Variants in PPM1H observed in about 807,000 individuals in gnomAD.
PPM1H encodes protein phosphatase, Mg2+/Mn2+ dependent 1H, also known as protein phosphatase 1H.
In PPM1H, 27 loss-of-function variants were observed where a neutral mutation model predicts 54.9. The observed-to-expected ratio is 0.49, with a 90% CI of 0.36 to 0.68. PPM1H has a LOEUF of 0.68. Ranked by LOEUF, PPM1H falls within the 30% of genes least tolerant of loss-of-function variation. PPM1H has a pLI of 0.00. For synonymous variants in PPM1H, 305 were observed against 270.8 expected, an observed-to-expected ratio of 1.13 and a Z score of -1.24; for missense variants, 596 against 667.8, an observed-to-expected ratio of 0.89 and a Z score of 1.19.
chr12:62,803,979 T>C (rs1249040923), intron 2 of PPM1H, among the ~76,000 whole-genome samples: 2 of 152,156 alleles, frequency 1.3e-5, no homozygotes. Flanking sequence ...CATCGATACC[T>C]TTCATAAAAC....
At chr12:62,652,503 T>A (rs2075821918) in intron 9 of PPM1H, among the ~76,000 whole-genome samples, 1 of 152,266 alleles carries the variant, frequency 6.6e-6, no homozygotes, top group African/African-American at 2.4e-5. Context: ...ACCTATATTT[T>A]GCAGTCATAT....
Position 62,648,501 on chromosome 12 carries a change from G to C in PPM1H, c.1533C>G (p.Asn511Lys). 6.2e-7 allele frequency: 1 copy of C among 1,613,940 alleles called. No homozygotes were observed. Among genetic ancestry groups the C allele is most frequent in the Non-Finnish European group, 8.5e-7 (1 of 1,179,868 alleles). The change falls in exon 10 of 10, where the codon AAC becomes AAG. Residue 511 changes from asparagine (N) to lysine (K), a missense_variant. By Grantham distance (94) the Asn-to-Lys change is moderately conservative (BLOSUM62 0). Coordinates refer to ENST00000228705, the MANE Select transcript of PPM1H (RefSeq NM_020700.2). ...CCCTGGGCCATTTTCATGACAGCTTGTTTCCATGTATTAAAGGAATGACAT... is the reference window on the plus strand; with the variant it reads ...CCCTGGGCCATTTTCATGACAGCTTCTTTCCATGTATTAAAGGAATGACAT... ...SVYVIPLIHG[N>K]KLS
chr12:62,649,584 G>A (rs936158444), intron 9 of PPM1H, among the ~76,000 whole-genome samples: 2 of 152,166 alleles, frequency 1.3e-5, no homozygotes, highest in Admixed American at 6.5e-5. Flanking sequence ...CACTGGCAGG[G>A]TCATATTTGG....
At chr12:62,708,895 A>G (rs937776735) in intron 6 of PPM1H, among the ~76,000 whole-genome samples, 64 of 152,080 alleles carry the variant, frequency 4.2e-4, no homozygotes, top group Admixed American at 3.9e-3. Context: ...GTAGTCCCCT[A>G]TATGTCCTGG....
chr12:62,915,385 C>G (rs976200010), intron 1 of PPM1H, among the ~76,000 whole-genome samples: 1 of 152,218 alleles, frequency 6.6e-6, no homozygotes, highest in African/African-American at 2.4e-5. Flanking sequence ...CTGCTCCCTG[C>G]GTGGTTCAAT....
At chr12:62,804,191 G>T (rs547963478) in intron 2 of PPM1H, among the ~76,000 whole-genome samples, 3 of 152,044 alleles carry the variant, frequency 2.0e-5, no homozygotes, top group Non-Finnish European at 4.4e-5. Context: ...AAGGCCTAAA[G>T]ATTGTATAAG....
At chr12:62,703,762 C>G (rs1045548385) in intron 6 of PPM1H, among the ~76,000 whole-genome samples, 2 of 152,162 alleles carry the variant, frequency 1.3e-5, no homozygotes, top group Non-Finnish European at 2.9e-5. Context: ...CTCCCCACAC[C>G]CACTCTCCTG....
At chr12:62,920,970 G>A (rs1871780552) in intron 1 of PPM1H, among the ~76,000 whole-genome samples, 1 of 151,926 alleles carries the variant, frequency 6.6e-6, no homozygotes, top group Non-Finnish European at 1.5e-5. Context: ...TGTCGCCCAG[G>A]CTGGAGTGGA....
At chr12:62,866,779 A>G (rs1237310207) in intron 1 of PPM1H, among the ~76,000 whole-genome samples, 1 of 152,104 alleles carries the variant, frequency 6.6e-6, no homozygotes, top group Admixed American at 6.6e-5. Context: ...GTTTTAGGCC[A>G]CTGAGACTGG....
At position 62,772,107 on chromosome 12, in the gene PPM1H, T is replaced by G. The variant is rs76197099; in HGVS notation, c.869+16119A>C. On this transcript the variant is annotated intron_variant, in intron 4 of 9. Transcript: ENST00000228705. ...CCATTTGACTCCAAACCCTATACTT[T>G]TGGTGAACCCCTAGCATTTCTATTT... Among the ~76,000 whole-genome samples the G allele has an allele frequency of 2.0e-5, 3 of 152,334 alleles. No homozygotes were observed. The East Asian group carries it at 5.8e-4, about 29-fold the overall frequency.
intron 1 of PPM1H, among the ~76,000 whole-genome samples, chr12:62,862,227 G>A (rs189216533): frequency 1.3e-5 from 2 of 152,270 alleles, no homozygotes; most frequent in Admixed American, 6.5e-5. Flanking sequence ...TGGAGAAGTC[G>A]GGGGTTAGGA....
intron 1 of PPM1H, among the ~76,000 whole-genome samples, chr12:62,922,485 T>C (rs1871833040): frequency 1.3e-5 from 2 of 152,186 alleles, no homozygotes. Context: ...AGATAACAGA[T>C]GCTTACCTTT....
At chr12:62,869,279 C>A (rs1301447350) in intron 1 of PPM1H, among the ~76,000 whole-genome samples, 5 of 152,112 alleles carry the variant, frequency 3.3e-5, no homozygotes, top group Non-Finnish European at 2.9e-5. Context: ...TTATTAAAGT[C>A]ATTTAAAATC....
At chr12:62,851,062 T>A (rs1185646292) in intron 1 of PPM1H, among the ~76,000 whole-genome samples, 1 of 152,192 alleles carries the variant, frequency 6.6e-6, no homozygotes. Context: ...TGCTGTCTAC[T>A]CAAAGGGCCT....
At chr12:62,851,956 G>C (rs1402080683) in intron 1 of PPM1H, among the ~76,000 whole-genome samples, 1 of 150,390 alleles carries the variant, frequency 6.6e-6, no homozygotes, top group East Asian at 2.0e-4. Context: ...TTGGATGGCC[G>C]GGCGCGGTGG....
intron 2 of PPM1H, among the ~76,000 whole-genome samples, chr12:62,815,160 C>G (rs542055957): frequency 4.0e-5 from 6 of 151,782 alleles, no homozygotes; most frequent in Admixed American, 1.3e-4. Context: ...CATGACCCTA[C>G]AGCGTTGTTC....
chr12:62,746,887 T>C (rs191998944), intron 4 of PPM1H, among the ~76,000 whole-genome samples: 3 of 152,378 alleles, frequency 2.0e-5, no homozygotes, highest in Non-Finnish European at 2.9e-5. Context: ...GCAGAGCTAC[T>C]GTGTCACTGG....
chr12:62,799,202 G>A (rs1344900399), intron 3 of PPM1H, among the ~76,000 whole-genome samples: 1 of 152,166 alleles, frequency 6.6e-6, no homozygotes, highest in South Asian at 2.1e-4. Context: ...AGCCTCTTAA[G>A]TATTTTTCTG....
intron 1 of PPM1H, among the ~76,000 whole-genome samples, chr12:62,843,242 C>T (rs180711139): frequency 1.1e-4 from 16 of 152,186 alleles, no homozygotes; most frequent in African/African-American, 3.1e-4. Flanking sequence ...CTTGGAACCC[C>T]GGAGGTGGAG....
Sources: gnomAD v4.1 joint callset for allele counts (sites outside exome capture counted in the v4.1 genomes callset) on GRCh38, gnomAD v4.1.1 for gene constraint, MANE v1.5 for transcripts, NCBI Gene and HGNC (gene_info 2026-07-23, HGNC 2026-07-21) for gene names.